The following TSGA10 variants were observed in gnomAD, a reference collection of about 807,000 sequenced individuals.
TSGA10 encodes testis-specific gene 10 protein.
In TSGA10, 43 loss-of-function variants were observed where a neutral mutation model predicts 96.6. The observed-to-expected ratio is 0.44, with a 90% CI of 0.35 to 0.57. TSGA10 has a LOEUF of 0.57. TSGA10 is among the 20% of genes least tolerant of loss of function. The pLI, the probability that TSGA10 is intolerant of heterozygous loss-of-function variation, is 0.01. For synonymous variants in TSGA10, 229 were observed against 269.9 expected (o/e 0.85, Z 1.48); for missense variants, 703 against 834.4 (o/e 0.84, Z 1.94).
At chr2:99,003,224 T>A (rs537948289) in intron 20 of TSGA10, among the ~76,000 whole-genome samples, 2 of 152,256 alleles carry the variant, frequency 1.3e-5, no homozygotes, top group East Asian at 1.9e-4. Flanking sequence ...GGTAAAGGGA[T>A]CAATTCAACA....
chr2:99,055,806 T>C (rs56339210), intron 16 of TSGA10, among the ~76,000 whole-genome samples: 21,790 of 148,006 alleles, frequency 0.15, 1,971 homozygotes, highest in Non-Finnish European at 0.2. Flanking sequence ...TGAGCCGTGA[T>C]TGCACCACTG....
chr2:99,002,584 G>A lies in TSGA10; in HGVS notation c.2073-4363C>T, dbSNP rs536561754. Among the ~76,000 whole-genome samples, 9 of 152,230 alleles carry A rather than the reference G, an allele frequency of 5.9e-5. No homozygotes were observed. In the South Asian group the frequency reaches 1.7e-3, roughly 28 times the overall value. On this transcript the variant is annotated intron_variant, in intron 20 of 20. Transcript: ENST00000393483. ...AAGAAGAAACTACATCAACTAACGA[G>A]CAAAATAACCAGCTAACAACATAAT...
intron 14 of TSGA10, among the ~76,000 whole-genome samples, chr2:99,069,707 G>T (rs1194388860): frequency 1.3e-5 from 2 of 151,636 alleles, no homozygotes; most frequent in Non-Finnish European, 2.9e-5. Flanking sequence ...ACTCTGAAAT[G>T]AAATCTAATA....
rs1359499818 is a variant in TSGA10, at chr2:99,064,936, T to C, written c.1404+3A>G. On this transcript the variant is annotated splice_donor_region_variant and intron_variant, in intron 16 of 20. Coordinates refer to ENST00000393483, the MANE Select transcript of TSGA10 (RefSeq NM_025244.4). ...TATTATAAGCATATTTTTCCAAACT[T>C]ACTTGCTCAACCTCTCTGTTGAGGG... 6.4e-7 allele frequency: 1 copy of C among 1,572,848 alleles called. No individual in the cohort carries two copies. The highest frequency in any genetic ancestry group is 2.3e-5 in the East Asian group (1 of 44,214).
chr2:99,042,407 G>C (rs745636518), intron 16 of TSGA10, among the ~76,000 whole-genome samples: 1 of 152,154 alleles, frequency 6.6e-6, no homozygotes, highest in Non-Finnish European at 1.5e-5. Flanking sequence ...CCATCCAGCA[G>C]AGAGGGCCCA....
intron 15 of TSGA10, 42 bp downstream of exon 15, chr2:99,068,846 A>G: frequency 1.0e-6 from 1 of 1,004,712 alleles, no homozygotes. Flanking sequence ...AACTCTAGTG[A>G]AAACTAAGTA....
chr2:99,110,457 TA>T (rs1398967566), intron 5 of TSGA10, among the ~76,000 whole-genome samples: 1 of 152,222 alleles, frequency 6.6e-6, no homozygotes, highest in Non-Finnish European at 1.5e-5. Flanking sequence ...CATTGTTAGA[TA>T]AATAAAACAT....
chr2:99,070,265 A>G (rs974607246), intron 14 of TSGA10, among the ~76,000 whole-genome samples: 4 of 152,138 alleles, frequency 2.6e-5, no homozygotes, highest in African/African-American at 9.7e-5. Context: ...CTTTCCAGGT[A>G]TAGTCTCACT....
chr2:99,048,373 A>G (rs1370045538), intron 16 of TSGA10, among the ~76,000 whole-genome samples: 1 of 152,096 alleles, frequency 6.6e-6, no homozygotes, highest in Non-Finnish European at 1.5e-5. Context: ...ACCAAAACAT[A>G]TATATATACA....
intron 12 of TSGA10, among the ~76,000 whole-genome samples, chr2:99,074,985 C>T (rs1282435867): frequency 6.6e-6 from 1 of 151,904 alleles, no homozygotes; most frequent in East Asian, 1.9e-4. Flanking sequence ...CTTGATTAAC[C>T]TTAAAATATG....
chr2:99,091,724 A>G (rs1458069216), intron 10 of TSGA10, among the ~76,000 whole-genome samples: 2 of 152,178 alleles, frequency 1.3e-5, no homozygotes, highest in Non-Finnish European at 2.9e-5. Flanking sequence ...TTATATAATG[A>G]TAAAAGGCCT....
Position 99,035,295 on chromosome 2 carries a change from T to C in TSGA10, c.1549A>G (p.Lys517Glu). 6.2e-7 allele frequency: 1 copy of C among 1,612,970 alleles called. No homozygotes were observed. The highest frequency in any genetic ancestry group is 8.5e-7 in the Non-Finnish European group (1 of 1,179,306). Residue 517 changes from lysine to glutamate, a missense_variant, in exon 17 of 21, where the codon AAA (lysine) becomes GAA (glutamate). Physicochemically the swap from Lys to Glu is moderately conservative, Grantham distance 56. Around this residue, in one of 3 missense-constraint regions of TSGA10, gnomAD observed 585 missense variants for 656.8 expected, o/e 0.89. Coordinates refer to ENST00000393483, the MANE Select transcript of TSGA10 (RefSeq NM_025244.4). ...DLSSTRELCI[K>E]LDSSKELLNR... ...AGAAGTTCTTTGCTTGAGTCAAGTT[T>C]AATACAGAGTTCCCTAGTAGAAGAC...
intron 7 of TSGA10, among the ~76,000 whole-genome samples, chr2:99,107,893 CTT>C (rs531681069): frequency 1.3e-5 from 2 of 152,158 alleles, no homozygotes; most frequent in Non-Finnish European, 2.9e-5. Context: ...CCTTTCAAGT[CTT>C]AGCTCTCTCC....
intron 5 of TSGA10, among the ~76,000 whole-genome samples, chr2:99,110,433 C>T (rs532168454): frequency 1.3e-5 from 2 of 152,196 alleles, no homozygotes; most frequent in African/African-American, 4.8e-5. Context: ...TTAAACAGAA[C>T]AGTTTTCATT....
Position 99,105,338 on chromosome 2 carries a change from TTTC to T in TSGA10, c.459+18_459+20del. 6.4e-7 allele frequency: 1 copy of T among 1,559,596 alleles called. No homozygotes were observed. The highest frequency in any genetic ancestry group is 8.7e-7 in the Non-Finnish European group (1 of 1,152,080). ...TGAGTGTTTATAGCCAAAAGAGACT[TTTC>T]TTTTTTTTTTTTTTTACATTATGAA... is the stretch of plus-strand genomic sequence containing the variant. On this transcript the variant is annotated intron_variant, in intron 9 of 20. Coordinates refer to ENST00000393483, the MANE Select transcript of TSGA10 (RefSeq NM_025244.4).
chr2:99,088,460 G>A (rs2088849237), intron 10 of TSGA10, among the ~76,000 whole-genome samples: 1 of 152,098 alleles, frequency 6.6e-6, no homozygotes, highest in Admixed American at 6.5e-5. Context: ...CATCCACTGA[G>A]GGTCTTGGGA....
intron 10 of TSGA10, among the ~76,000 whole-genome samples, chr2:99,093,174 G>A (rs1020579121): frequency 6.6e-6 from 1 of 151,946 alleles, no homozygotes; most frequent in Non-Finnish European, 1.5e-5. Flanking sequence ...TCAATAGATG[G>A]AGAAAAGGCA....
chr2:99,030,364 T>C (rs1403252281), intron 17 of TSGA10, among the ~76,000 whole-genome samples: 1 of 150,822 alleles, frequency 6.6e-6, no homozygotes, highest in Non-Finnish European at 1.5e-5. Flanking sequence ...ATTAAAATTA[T>C]TGGCTGGGCA....
At chr2:99,046,296 A>T (rs1040209033) in intron 16 of TSGA10, among the ~76,000 whole-genome samples, 6 of 152,202 alleles carry the variant, frequency 3.9e-5, no homozygotes, top group African/African-American at 1.4e-4. Flanking sequence ...CACCACACTT[A>T]TTCCAAAATT....
Sources: allele counts gnomAD v4.1 joint callset (sites outside exome capture counted in the v4.1 genomes callset), GRCh38; gene constraint gnomAD v4.1.1; regional missense constraint gnomAD v4.1.1; transcripts MANE v1.5; gene names NCBI Gene and HGNC (gene_info 2026-07-23, HGNC 2026-07-21).